PARG: variants seen among roughly 807,000 people sequenced by gnomAD.
PARG encodes the protein mitochondrial poly(ADP-ribose) glycohydrolase.
In PARG, 35 loss-of-function variants were observed where a neutral mutation model predicts 113.0. That is an observed-to-expected ratio of 0.31 (90% confidence interval 0.24 to 0.41). The LOEUF (loss-of-function observed/expected upper bound fraction) is 0.41, where lower values mean the gene tolerates loss of function less well. PARG is among the 10% of genes least tolerant of loss of function. The pLI is 1.00. For missense variants in PARG, 797 were observed against 1,169.4 expected, an observed-to-expected ratio of 0.68 and a Z score of 4.64; for synonymous variants, 330 against 409.9, an observed-to-expected ratio of 0.81 and a Z score of 2.36.
chr10:49,897,724 G>A (rs1463344268), intron 7 of PARG, among the ~76,000 whole-genome samples: 1 of 152,238 alleles, frequency 6.6e-6, no homozygotes, highest in African/African-American at 2.4e-5. Flanking sequence ...AAACTTAGTG[G>A]TGGTTGGGGG....
intron 10 of PARG, among the ~76,000 whole-genome samples, chr10:49,868,267 G>T (rs1477713947): frequency 1.3e-5 from 2 of 152,190 alleles, no homozygotes; most frequent in Non-Finnish European, 2.9e-5. Flanking sequence ...GATTACAGGC[G>T]TGAGCCACCG....
intron 7 of PARG, among the ~76,000 whole-genome samples, chr10:49,915,223 A>C (rs1449886491): frequency 2.4e-4 from 36 of 151,622 alleles, no homozygotes; most frequent in African/African-American, 8.5e-4. Flanking sequence ...AAATATTTGC[A>C]AGTCATATAT....
chr10:49,878,077 G>A (rs1219962920), intron 9 of PARG, among the ~76,000 whole-genome samples: 3 of 152,072 alleles, frequency 2.0e-5, no homozygotes, highest in Non-Finnish European at 4.4e-5. Flanking sequence ...ACGGTGCACT[G>A]AGAAGGACAC....
Position 49,879,838 on chromosome 10 carries a change from A to C in PARG, c.1831-8T>G, listed in dbSNP as rs1175785187. ...TTTCAGGAGTGGTATTGGCTGATAA[A>C]AGAAACAAAAAAATACAGACGAGAA... On this transcript the variant is annotated splice_polypyrimidine_tract_variant and splice_region_variant and intron_variant, in intron 8 of 17. Coordinates refer to ENST00000616448, the MANE Select transcript of PARG (RefSeq NM_003631.5). 4 of 1,052,122 alleles carry C rather than the reference A, an allele frequency of 3.8e-6. No homozygotes were observed. The Admixed American group carries it at 8.0e-5, about 21-fold the overall frequency. 65.2% of individuals were successfully genotyped at this position (1,052,122 alleles called of 1,614,324 possible). A position where few individuals can be genotyped will look rare whatever the true frequency, so the allele number is the denominator to read the frequency against.
chr10:49,882,581 A>T (rs1193850234), intron 8 of PARG, among the ~76,000 whole-genome samples: 2 of 152,192 alleles, frequency 1.3e-5, no homozygotes. Flanking sequence ...GTTCCAAGGG[A>T]CTTGTTATAG....
At position 49,883,116 on chromosome 10, in the gene PARG, T is replaced by C. The variant is rs149178997; in HGVS notation, c.1830+2087A>G. Among the ~76,000 whole-genome samples, 389 of 152,376 alleles carry C rather than the reference T, an allele frequency of 2.6e-3. 4 individuals carry two copies. Among genetic ancestry groups the C allele is most frequent in the African/African-American group, 9.0e-3 (374 of 41,592 alleles). ...GAGGTAAAATTAAAGTTACATAAAA[T>C]TGAAAACATCACACTGGAAAACATT... On this transcript the variant is annotated intron_variant, in intron 8 of 17. Transcript: ENST00000616448.
intron 1 of PARG, among the ~76,000 whole-genome samples, chr10:49,937,952 T>C (rs1298776263): frequency 1.3e-5 from 2 of 152,262 alleles, no homozygotes; most frequent in African/African-American, 4.8e-5. Flanking sequence ...ACCACAGGAC[T>C]GTGTCAGAGC....
Position 49,819,385 on chromosome 10 carries a change from G to A in PARG, c.2886C>T (p.Ser962=), listed in dbSNP as rs1030856595. The change falls in exon 18 of 18, where the codon TCC becomes TCT. Residue 962 remains serine, a synonymous_variant. Coordinates refer to ENST00000616448, the MANE Select transcript of PARG (RefSeq NM_003631.5). ...LYPFIYHAVE[S]CAETADHSGQ... ...CTGAATGGTCAGCGGTCTCTGCACA[G>A]GACTCGACAGCATGGTATATGAATG... 3 of 1,551,460 alleles carry A rather than the reference G, an allele frequency of 1.9e-6. No individual in the cohort carries two copies. The African/African-American group carries it at 4.1e-5, about 21-fold the overall frequency.
At chr10:49,853,240 G>A (rs181730649) in intron 13 of PARG, among the ~76,000 whole-genome samples, 99 of 151,884 alleles carry the variant, frequency 6.5e-4, no homozygotes, top group Non-Finnish European at 5.4e-4. Context: ...GTTTCACCAC[G>A]TTAGCCAGGA....
chr10:49,903,480 A>C (rs529827146), intron 7 of PARG, among the ~76,000 whole-genome samples: 1 of 151,928 alleles, frequency 6.6e-6, no homozygotes, highest in Non-Finnish European at 1.5e-5. Flanking sequence ...ACTCAGTTCA[A>C]GAAACATTAA....
At chr10:49,909,458 T>TA (rs1837042776) in intron 7 of PARG, among the ~76,000 whole-genome samples, 1 of 152,160 alleles carries the variant, frequency 6.6e-6, no homozygotes, top group Admixed American at 6.6e-5. Context: ...TCAAAAACTG[T>TA]TATTTTAGCT....
chr10:49,829,185 G>A (rs1202930044), intron 16 of PARG, among the ~76,000 whole-genome samples: 4 of 151,958 alleles, frequency 2.6e-5, no homozygotes, highest in African/African-American at 7.2e-5. Context: ...GCAGTGAGTC[G>A]AGATAGTGCC....
At chr10:49,926,307 G>C (rs2664676) in intron 4 of PARG, among the ~76,000 whole-genome samples, 8,276 of 144,622 alleles carry the variant, frequency 0.057, 328 homozygotes, top group African/African-American at 0.1. Flanking sequence ...ATATCTGAAA[G>C]CTTCAAGGGA....
chr10:49,898,141 C>G (rs1848183534), intron 7 of PARG, among the ~76,000 whole-genome samples: 1 of 152,246 alleles, frequency 6.6e-6, no homozygotes, highest in Non-Finnish European at 1.5e-5. Context: ...GTATTAACCA[C>G]AGAAAAATCC....
chr10:49,933,229 C>G lies in PARG; in HGVS notation c.1219G>C (p.Asp407His). 1.3e-6 allele frequency: 2 copies of G among 1,591,106 alleles called. No individual in the cohort carries two copies. Among genetic ancestry groups the G allele is most frequent in the Non-Finnish European group, 8.6e-7 (1 of 1,165,796 alleles). ...ATGAAATGATCTGTGATTTTAGAAT[C>G]CTTTTTTCCATGTTGCTTAGAATTT... The part of the protein sequence containing the change: ...CRNSKQHGKK[D>H]SKITDHFMRL... Residue 407 changes from aspartate (D) to histidine (H), a missense_variant, in exon 3 of 18, where the codon GAT (aspartate) becomes CAT (histidine). Physicochemically the swap from Asp to His is moderately conservative, Grantham distance 81. This residue lies in a region of PARG where 252 missense variants were observed against 437.4 expected (regional missense o/e 0.58). Coordinates refer to ENST00000616448, the MANE Select transcript of PARG (RefSeq NM_003631.5).
In PARG at chr10:49,832,822, C is replaced by G. The variant is rs1345378875; in HGVS notation, c.2628G>C (p.Gly876=). 6.5e-7 allele frequency: 1 copy of G among 1,546,114 alleles called. No individual in the cohort carries two copies. The highest frequency in any genetic ancestry group is 8.8e-7 in the Non-Finnish European group (1 of 1,142,210). Residue 876 remains glycine, a synonymous_variant, in exon 16 of 18, where the codon GGG becomes GGC. Coordinates refer to ENST00000616448, the MANE Select transcript of PARG (RefSeq NM_003631.5). ...ACTTACCTTTTAACCTGGCATCACC[C>G]CCAAAGGCACCACAGCCCCAGTTTC... ...ATGNWGCGAF[G]GDARLKALIQ...
chr10:49,822,552 T>C (rs1844153952), intron 16 of PARG, among the ~76,000 whole-genome samples: 1 of 152,204 alleles, frequency 6.6e-6, no homozygotes, highest in Non-Finnish European at 1.5e-5. Context: ...AACTGGTAAG[T>C]GTGGTTGGGG....
chr10:49,915,579 T>C (rs1439861844), intron 7 of PARG, among the ~76,000 whole-genome samples: 2 of 152,114 alleles, frequency 1.3e-5, no homozygotes, highest in African/African-American at 2.4e-5. Context: ...ATAATGATGT[T>C]GCCACAATGT....
chr10:49,902,835 A>ATTT, intron 7 of PARG, among the ~76,000 whole-genome samples: 1 of 143,558 alleles, frequency 7.0e-6, no homozygotes, highest in African/African-American at 2.5e-5. Flanking sequence ...TACAAAAAAA[A>ATTT]TTTTTTTTTT....
Sources: allele counts gnomAD v4.1 joint callset (sites outside exome capture counted in the v4.1 genomes callset), GRCh38; gene constraint gnomAD v4.1.1; regional missense constraint gnomAD v4.1.1; transcripts MANE v1.5; gene names NCBI Gene and HGNC (gene_info 2026-07-23, HGNC 2026-07-21).